TRIP12: variants seen among roughly 807,000 people sequenced by gnomAD.
TRIP12 encodes thyroid hormone receptor interactor 12, also known as E3 ubiquitin-protein ligase TRIP12.
In TRIP12, 25 loss-of-function variants were observed where a neutral mutation model predicts 244.2. That is an observed-to-expected ratio of 0.10 (90% CI 0.07 to 0.14). The LOEUF is 0.14. Ranked by LOEUF, TRIP12 falls within the 10% of genes least tolerant of loss-of-function variation. The pLI is 1.00. For missense variants in TRIP12, 1,677 were observed against 2,486.4 expected (o/e 0.67, Z 6.92); for synonymous variants, 905 against 873.1 (o/e 1.04, Z -0.64).
intron 9 of TRIP12, among the ~76,000 whole-genome samples, chr2:229,817,543 C>A (rs991596471): frequency 2.0e-5 from 3 of 152,138 alleles, no homozygotes; most frequent in Non-Finnish European, 4.4e-5. Context: ...CAACTCACAA[C>A]TGTGTTGAAA....
chr2:229,915,215 T>C (rs1438560869), intron 1 of TRIP12, among the ~76,000 whole-genome samples: 1 of 152,110 alleles, frequency 6.6e-6, no homozygotes, highest in Admixed American at 6.6e-5. Flanking sequence ...ATTGCGCCAC[T>C]GCACTCCAAT....
intron 17 of TRIP12, 84 bp downstream of exon 17, chr2:229,807,624 T>A: frequency 2.0e-6 from 3 of 1,505,346 alleles, no homozygotes; most frequent in Non-Finnish European, 2.8e-6. Flanking sequence ...CACATTCAAA[T>A]CCACATATCC....
intron 6 of TRIP12, among the ~76,000 whole-genome samples, chr2:229,836,492 A>C (rs545648072): frequency 6.6e-6 from 1 of 152,362 alleles, no homozygotes; most frequent in South Asian, 2.1e-4. Context: ...GGGCTTACAA[A>C]AATTCTAAAT....
intron 2 of TRIP12, among the ~76,000 whole-genome samples, chr2:229,861,953 G>C (rs969633010): frequency 2.0e-5 from 3 of 152,102 alleles, no homozygotes; most frequent in Non-Finnish European, 4.4e-5. Flanking sequence ...TTTTAGTAAT[G>C]AAAGGACACA....
chr2:229,815,293 T>G lies in TRIP12; in HGVS notation c.1615A>C (p.Met539Leu), dbSNP rs2048218716. 1 of 1,457,014 alleles carries G rather than the reference T, an allele frequency of 6.9e-7. No individual in the cohort carries two copies. The highest frequency in any genetic ancestry group is 1.8e-5 in the Admixed American group (1 of 57,018). 90.3% of individuals were successfully genotyped at this position (1,457,014 alleles called of 1,614,324 possible). ...VVPALITLLQ[M>L]EHNFDIMNHA... is the part of the protein sequence containing the mutation. The stretch of plus-strand genomic sequence containing the variant: ...CTTACAATATCAAAATTGTGCTCCA[T>G]CTGAAGTAACGTAATCTGTTAAAAA... The change falls in exon 10 of 42, where the codon ATG becomes CTG. Residue 539 changes from methionine (M) to leucine (L), a missense_variant. Coordinates refer to ENST00000675903, the MANE Select transcript of TRIP12 (RefSeq NM_001348323.3).
At chr2:229,830,905 TAGAA>T in intron 6 of TRIP12, 66 bp from the exon 7 acceptor site, 1 of 1,496,658 alleles carries the variant, frequency 6.7e-7, no homozygotes, top group South Asian at 1.2e-5. Flanking sequence ...TGGCTTACCT[TAGAA>T]AAACCAAAGT....
intron 1 of TRIP12, among the ~76,000 whole-genome samples, chr2:229,903,866 CAAAAAAAA>C (rs869205971): frequency 1.6e-5 from 1 of 62,566 alleles, no homozygotes; most frequent in South Asian, 4.6e-4. Flanking sequence ...ACCAAAAATA[CAAAAAAAA>C]AAAAAAAAAA....
At chr2:229,788,684 A>T in intron 32 of TRIP12, 114 bp downstream of exon 32, 1 of 1,352,166 alleles carries the variant, frequency 7.4e-7, no homozygotes, top group African/African-American at 1.5e-5. Flanking sequence ...TGTGATCAAC[A>T]GTATTAATAA....
At chr2:229,829,660 C>G (rs1220657439) in intron 7 of TRIP12, among the ~76,000 whole-genome samples, 6 of 151,944 alleles carry the variant, frequency 3.9e-5, no homozygotes, top group Non-Finnish European at 7.4e-5. Context: ...GAAAACAAAA[C>G]AAAACAGGCC....
At chr2:229,858,320 G>A (rs1224885654) in intron 4 of TRIP12, among the ~76,000 whole-genome samples, 8 of 152,114 alleles carry the variant, frequency 5.3e-5, no homozygotes, top group African/African-American at 1.2e-4. Flanking sequence ...CCGAGACTGC[G>A]CCACTGCACT....
intron 25 of TRIP12, among the ~76,000 whole-genome samples, chr2:229,795,604 C>T (rs924896246): frequency 5.3e-5 from 8 of 152,130 alleles, no homozygotes; most frequent in Non-Finnish European, 1.2e-4. Context: ...TCCAAACAGA[C>T]ATAAGGCTAT....
In TRIP12 at chr2:229,808,309, T is replaced by G. The variant is rs1209011129; in HGVS notation, c.2282A>C (p.Gln761Pro). Reference sequence around the variant, plus strand: ...AGGGCTTCGTGGAACAAGATCAATCTGTTCCTGACAACTTCCATTGGAGGC... The same window carrying G: ...AGGGCTTCGTGGAACAAGATCAATCGGTTCCTGACAACTTCCATTGGAGGC... ...CGASNGSCQE[Q>P]IDLVPRSPQE... is the part of the protein sequence containing the mutation. Residue 761 changes from glutamine (Q) to proline (P), a missense_variant, in exon 16 of 42, where the codon CAG becomes CCG. Gln to Pro is a moderately conservative substitution (Grantham distance 76). Transcript: ENST00000675903. 6.2e-7 allele frequency: 1 copy of G among 1,613,910 alleles called. No homozygotes were observed. Among genetic ancestry groups the G allele is most frequent in the Non-Finnish European group, 8.5e-7 (1 of 1,180,032 alleles).
At chr2:229,866,794 T>C (rs1174726569) in intron 2 of TRIP12, among the ~76,000 whole-genome samples, 28 of 152,190 alleles carry the variant, frequency 1.8e-4, no homozygotes, top group Admixed American at 1.8e-3. Flanking sequence ...CGAATACTTT[T>C]AGCAGGAGAA....
chr2:229,884,126 C>T (rs2065457782), intron 1 of TRIP12, among the ~76,000 whole-genome samples: 1 of 151,650 alleles, frequency 6.6e-6, no homozygotes, highest in African/African-American at 2.4e-5. Flanking sequence ...ACCCAAAAAC[C>T]TGTATGTTGT....
At chr2:229,862,555 G>T (rs760462387) in intron 2 of TRIP12, among the ~76,000 whole-genome samples, 2 of 152,042 alleles carry the variant, frequency 1.3e-5, no homozygotes, top group Non-Finnish European at 2.9e-5. Context: ...ATAGCTTGTT[G>T]CATTCCTTGA....
intron 5 of TRIP12, among the ~76,000 whole-genome samples, chr2:229,837,403 G>T (rs2055114804): frequency 6.6e-6 from 1 of 152,140 alleles, no homozygotes; most frequent in African/African-American, 2.4e-5. Flanking sequence ...GGGAGGCTGA[G>T]GCAGGTGGAT....
intron 2 of TRIP12, among the ~76,000 whole-genome samples, chr2:229,869,557 G>C (rs1231254294): frequency 1.3e-5 from 2 of 152,002 alleles, no homozygotes; most frequent in African/African-American, 4.8e-5. Flanking sequence ...TCCCCCTACC[G>C]AGCTGGGTTG....
intron 26 of TRIP12, among the ~76,000 whole-genome samples, chr2:229,794,599 A>T (rs1019953121): frequency 1.3e-5 from 2 of 151,912 alleles, no homozygotes; most frequent in African/African-American, 4.8e-5. Context: ...ATAAATAAAA[A>T]CCAAACAAAT....
chr2:229,848,436 AGAAAAT>A (rs1559832755), intron 4 of TRIP12, among the ~76,000 whole-genome samples: 1 of 151,942 alleles, frequency 6.6e-6, no homozygotes. Context: ...TCTATAAACA[AGAAAAT>A]GAAAACAAAA....
Sources: gnomAD v4.1 joint callset for allele counts (sites outside exome capture counted in the v4.1 genomes callset) on GRCh38, gnomAD v4.1.1 for gene constraint, MANE v1.5 for transcripts, NCBI Gene and HGNC (gene_info 2026-07-23, HGNC 2026-07-21) for gene names.